METTL16: variants seen among roughly 807,000 people sequenced by gnomAD.
The protein encoded by METTL16 is methyltransferase 16, RNA N6-adenosine.
Under a neutral mutation model 57.9 loss-of-function variants are expected in METTL16, and 19 were observed. That is an observed-to-expected ratio of 0.33 (90% CI 0.23 to 0.48). The LOEUF (loss-of-function observed/expected upper bound fraction) is 0.48. Among genes scored for constraint, METTL16 ranks in the 20% least tolerant of loss-of-function variants. The probability of loss-of-function intolerance (pLI) is 0.99; values close to 1 mark genes in which losing one functional copy is unlikely to be tolerated. For synonymous variants in METTL16, 246 were observed against 255.6 expected (o/e 0.96, Z 0.36); for missense variants, 434 against 691.5 (o/e 0.63, Z 4.18).
intron 8 of METTL16, among the ~76,000 whole-genome samples, chr17:2,425,800 C>A (rs1597436749): frequency 6.6e-6 from 1 of 152,146 alleles, no homozygotes; most frequent in Admixed American, 6.5e-5. Context: ...GATCCTCCCA[C>A]CTCAGTCTTC....
At chr17:2,493,245 C>T (rs570911466) in intron 2 of METTL16, among the ~76,000 whole-genome samples, 114 of 151,210 alleles carry the variant, frequency 7.5e-4, no homozygotes, top group South Asian at 2.9e-3. Context: ...CGTGCCACCA[C>T]GCCCGGCTAA....
At chr17:2,450,914 G>T (rs2067064048) in intron 6 of METTL16, among the ~76,000 whole-genome samples, 1 of 152,052 alleles carries the variant, frequency 6.6e-6, no homozygotes, top group African/African-American at 2.4e-5. Flanking sequence ...AATTCTAAGA[G>T]AATTTAAGAG....
At chr17:2,463,651 A>G (rs1033852469) in intron 6 of METTL16, among the ~76,000 whole-genome samples, 4 of 151,780 alleles carry the variant, frequency 2.6e-5, no homozygotes, top group East Asian at 2.0e-4. Flanking sequence ...TAGTAGAGAC[A>G]GGGTTTCACT....
intron 6 of METTL16, among the ~76,000 whole-genome samples, chr17:2,445,481 A>C (rs1347491520): frequency 6.6e-6 from 1 of 152,178 alleles, no homozygotes; most frequent in Non-Finnish European, 1.5e-5. Context: ...AGTAAAAATA[A>C]AATGCATATA....
chr17:2,459,545 A>C (rs1195822906), intron 6 of METTL16, among the ~76,000 whole-genome samples: 1 of 152,216 alleles, frequency 6.6e-6, no homozygotes. Flanking sequence ...GTATTTCTTC[A>C]GGGACAAGGA....
chr17:2,491,441 A>T (rs1208137152), intron 2 of METTL16, among the ~76,000 whole-genome samples: 1 of 152,186 alleles, frequency 6.6e-6, no homozygotes, highest in Admixed American at 6.5e-5. Context: ...GCTGAACCTG[A>T]TGCAACAAAA....
Position 2,438,636 on chromosome 17 carries a change from G to A in METTL16, c.799-438C>T, listed in dbSNP as rs2066925270. Among the ~76,000 whole-genome samples the A allele has an allele frequency of 3.9e-5, 6 of 152,150 alleles. No individual in the cohort carries two copies. The South Asian group carries it at 1.2e-3, about 32-fold the overall frequency. On this transcript the variant is annotated intron_variant, in intron 7 of 9. Transcript: ENST00000263092. The stretch of plus-strand genomic sequence containing the variant: ...CCTGCCTCAGCCTCCCGAGTGGCTG[G>A]GATTACAGGCGCATGCCACCACGCC...
At chr17:2,504,760 CAG>C (rs1282868683) in intron 1 of METTL16, among the ~76,000 whole-genome samples, 1 of 152,062 alleles carries the variant, frequency 6.6e-6, no homozygotes, top group Non-Finnish European at 1.5e-5. Flanking sequence ...TTTGTAGAGA[CAG>C]GGTCTCCCTT....
intron 6 of METTL16, among the ~76,000 whole-genome samples, chr17:2,453,295 C>T (rs1406920321): frequency 6.6e-6 from 1 of 152,206 alleles, no homozygotes; most frequent in Non-Finnish European, 1.5e-5. Flanking sequence ...CTCCCCGATA[C>T]AAGGCCCCTT....
Position 2,419,846 on chromosome 17 carries a change from T to A in METTL16, c.*124A>T. 8.2e-7 allele frequency: 1 copy of A among 1,223,786 alleles called. No homozygotes were observed. Among genetic ancestry groups the A allele is most frequent in the East Asian group, 2.4e-5 (1 of 42,502 alleles). The allele number at this position is 1,223,786 out of a possible 1,614,324, so 75.8% of individuals were successfully genotyped here. ...GAGGTGGGGGACAGATTCATAGGTT[T>A]TTGTTTTCGAAGATAATTCCACATC... is the stretch of plus-strand genomic sequence containing the variant. On this transcript the variant is annotated 3_prime_UTR_variant, in exon 10 of 10. Coordinates refer to ENST00000263092, the MANE Select transcript of METTL16 (RefSeq NM_024086.4).
At chr17:2,497,289 C>T (rs1029150335) in intron 2 of METTL16, among the ~76,000 whole-genome samples, 12 of 145,986 alleles carry the variant, frequency 8.2e-5, no homozygotes, top group Admixed American at 5.5e-4. Flanking sequence ...TACAGGCGTG[C>T]GCCACTGCAC....
intron 6 of METTL16, among the ~76,000 whole-genome samples, chr17:2,458,609 G>A (rs2067127464): frequency 1.3e-5 from 2 of 151,990 alleles, no homozygotes; most frequent in South Asian, 2.1e-4. Context: ...CAACTAGGGA[G>A]GCTGACGTGG....
At chr17:2,482,734 C>A (rs1246745093) in intron 2 of METTL16, among the ~76,000 whole-genome samples, 3 of 152,076 alleles carry the variant, frequency 2.0e-5, no homozygotes, top group Non-Finnish European at 4.4e-5. Flanking sequence ...TGGCGAAAGC[C>A]CGTCTCTACA....
At chr17:2,439,028 T>C (rs1298795194) in intron 7 of METTL16, among the ~76,000 whole-genome samples, 1 of 152,188 alleles carries the variant, frequency 6.6e-6, no homozygotes, top group African/African-American at 2.4e-5. Context: ...CTGACCCTTT[T>C]GCTGAGAAGT....
chr17:2,463,439 T>A (rs544520380), intron 6 of METTL16, among the ~76,000 whole-genome samples: 148 of 152,268 alleles, frequency 9.7e-4, no homozygotes, highest in Middle Eastern at 6.8e-3. Flanking sequence ...TAGGAGCCAC[T>A]ACCTTTGCAA....
intron 5 of METTL16, among the ~76,000 whole-genome samples, chr17:2,464,799 A>G (rs2067178431): frequency 6.6e-6 from 1 of 152,228 alleles, no homozygotes; most frequent in Non-Finnish European, 1.5e-5. Context: ...AGGAAAAGCT[A>G]AAACTATAAA....
chr17:2,510,117 C>T (rs1322034646), intron 1 of METTL16, among the ~76,000 whole-genome samples: 1 of 151,646 alleles, frequency 6.6e-6, no homozygotes, highest in Non-Finnish European at 1.5e-5. Flanking sequence ...GTGATTCTGG[C>T]AAGCAACAAA....
chr17:2,457,337 C>CA (rs57968051), intron 6 of METTL16, among the ~76,000 whole-genome samples: 1,041 of 42,152 alleles, frequency 0.025, 58 homozygotes, highest in Non-Finnish European at 0.039. Context: ...GACTCCGTCT[C>CA]AAAAAAAAAA....
At chr17:2,498,327 T>G (rs1450193363) in intron 2 of METTL16, among the ~76,000 whole-genome samples, 207 of 125,628 alleles carry the variant, frequency 1.6e-3, no homozygotes, top group South Asian at 6.6e-3. Context: ...CAGGAGAATC[T>G]CTTGAACCCG....
Sources: gnomAD v4.1 joint callset for allele counts (sites outside exome capture counted in the v4.1 genomes callset) on GRCh38, gnomAD v4.1.1 for gene constraint, MANE v1.5 for transcripts, NCBI Gene and HGNC (gene_info 2026-07-23, HGNC 2026-07-21) for gene names.